The following MGAT4C variants were observed in gnomAD, a reference collection of about 807,000 sequenced individuals.
The protein encoded by MGAT4C is alpha-1,3-mannosyl-glycoprotein 4-beta-N-acetylglucosaminyltransferase C.
A neutral mutation model predicts 40.1 loss-of-function variants in MGAT4C; 19 were observed. The observed-to-expected ratio is 0.47, with a 90% confidence interval of 0.33 to 0.70. The LOEUF (loss-of-function observed/expected upper bound fraction) is 0.70. Among genes scored for constraint, MGAT4C ranks in the 30% least tolerant of loss-of-function variants. The pLI is 0.02. For missense variants in MGAT4C, 491 were observed against 563.2 expected, an observed-to-expected ratio of 0.87 and a Z score of 1.30; for synonymous variants, 181 against 187.1, an observed-to-expected ratio of 0.97 and a Z score of 0.27.
chr12:86,050,661 A>G (rs535520213), intron 1 of MGAT4C, among the ~76,000 whole-genome samples: 1 of 152,086 alleles, frequency 6.6e-6, no homozygotes, highest in East Asian at 1.9e-4. Flanking sequence ...TATCTCCATC[A>G]GCATTTCTCT....
rs564114873 is a variant in MGAT4C, at chr12:86,538,920, A to C, written c.-228-103655T>G. On this transcript the variant is annotated intron_variant, in intron 2 of 7. Transcript: ENST00000548651. ...CTGTGCCTGGCCCAAAGTGGAATAC[A>C]TTTATATAAGGAAATAAATGTTTTG... is the stretch of plus-strand genomic sequence containing the variant. Among the ~76,000 whole-genome samples the C allele has an allele frequency of 2.0e-5, 3 of 151,844 alleles. No individual in the cohort carries two copies. In the South Asian group the frequency reaches 6.2e-4, roughly 32 times the overall value.
At chr12:86,717,928 G>C (rs1446109751) in intron 2 of MGAT4C, among the ~76,000 whole-genome samples, 1 of 151,996 alleles carries the variant, frequency 6.6e-6, no homozygotes, top group Non-Finnish European at 1.5e-5. Context: ...TCTCTTCCAG[G>C]TTTCTTTTTC....
Position 86,281,318 on chromosome 12 carries a change from T to C in MGAT4C, c.-57+52747A>G, listed in dbSNP as rs59952363. 3.8e-3 allele frequency among the ~76,000 whole-genome samples: 576 copies of C among 152,070 alleles called. 3 individuals are homozygous for C. Among genetic ancestry groups the C allele is most frequent in the African/African-American group, 0.014 (561 of 41,512 alleles). ...TTGTCACACATATGTTTTCTCTATTTTCCCCTTCCTATCCCTCATTTCCTC... is the reference window on the plus strand; with the variant it reads ...TTGTCACACATATGTTTTCTCTATTCTCCCCTTCCTATCCCTCATTTCCTC... On this transcript the variant is annotated intron_variant, in intron 4 of 7. Coordinates refer to the MGAT4C transcript ENST00000548651.
At chr12:86,359,261 C>T (rs564380801) in intron 3 of MGAT4C, among the ~76,000 whole-genome samples, 8 of 152,162 alleles carry the variant, frequency 5.3e-5, no homozygotes, top group African/African-American at 1.9e-4. Context: ...CAGATATAAA[C>T]ATGTTCTTTG....
At position 86,441,594 on chromosome 12, in the gene MGAT4C, A is replaced by G. The variant is rs12301573; in HGVS notation, c.-228-6329T>C. On this transcript the variant is annotated intron_variant, in intron 2 of 7. Coordinates refer to the MGAT4C transcript ENST00000548651. ...TTCACACCTATGAGTGAGAACATGC[A>G]GTGTTTGGTTTTTTGTTCTTGCAAC... Among the ~76,000 whole-genome samples the G allele has an allele frequency of 2.0e-5, 3 of 147,456 alleles. No individual in the cohort carries two copies. In the East Asian group the frequency reaches 6.2e-4, roughly 30 times the overall value.
chr12:86,494,466 T>G (rs1211619987), intron 2 of MGAT4C, among the ~76,000 whole-genome samples: 2 of 151,946 alleles, frequency 1.3e-5, no homozygotes, highest in Admixed American at 6.6e-5. Context: ...TTTATCAAAC[T>G]AAACATATTA....
chr12:86,517,628 ATTTG>A (rs371515004), intron 2 of MGAT4C, among the ~76,000 whole-genome samples: 2,209 of 150,982 alleles, frequency 0.015, 17 homozygotes, highest in South Asian at 0.023. Flanking sequence ...TTATTTATTT[ATTTG>A]TTTGTTTGTT....
intron 4 of MGAT4C, among the ~76,000 whole-genome samples, chr12:86,287,105 A>G (rs982740188): frequency 6.6e-6 from 1 of 152,144 alleles, no homozygotes; most frequent in Non-Finnish European, 1.5e-5. Flanking sequence ...GTATTCAATA[A>G]TGAGACTGCT....
At chr12:85,998,873 T>A (rs1886956638) in intron 2 of MGAT4C, among the ~76,000 whole-genome samples, 1 of 152,190 alleles carries the variant, frequency 6.6e-6, no homozygotes, top group African/African-American at 2.4e-5. Context: ...CCAAAGTTGT[T>A]TCCACATTTT....
chr12:86,584,263 G>A (rs114426907), intron 2 of MGAT4C, among the ~76,000 whole-genome samples: 2,844 of 150,636 alleles, frequency 0.019, 71 homozygotes, highest in African/African-American at 0.065. Context: ...ACATTGATGA[G>A]TTCATAGAGA....
chr12:85,960,027 A>G lies in MGAT4C; in HGVS notation c.*19262T>C, dbSNP rs764016718. On this transcript the variant is annotated 3_prime_UTR_variant, in exon 5 of 5. Transcript: ENST00000611864. ...CTGTGCAAATAGCTATATAAAATGC[A>G]ATTCGGTATTAAAGAAAATTGTTGC... is the stretch of plus-strand genomic sequence containing the variant. 7 of 151,976 alleles carry G rather than the reference A, an allele frequency of 4.6e-5. No individual in the cohort carries two copies. Among genetic ancestry groups the G allele is most frequent in the Non-Finnish European group, 1.0e-4 (7 of 67,926 alleles). 9.4% of individuals were successfully genotyped at this position (151,976 alleles called of 1,614,324 possible). A position where few individuals can be genotyped will look rare whatever the true frequency, so the allele number is the denominator to read the frequency against.
chr12:86,422,602 T>C (rs1956849080), intron 3 of MGAT4C, among the ~76,000 whole-genome samples: 1 of 152,172 alleles, frequency 6.6e-6, no homozygotes, highest in African/African-American at 2.4e-5. Context: ...TTAAAATCAA[T>C]TTTCATGCCT....
At chr12:86,122,555 T>C (rs900028270) in intron 1 of MGAT4C, among the ~76,000 whole-genome samples, 2 of 152,140 alleles carry the variant, frequency 1.3e-5, no homozygotes, top group African/African-American at 4.8e-5. Context: ...TCTAAAGTGG[T>C]GTGCAAGCAT....
At chr12:86,469,682 A>G (rs899257072) in intron 2 of MGAT4C, among the ~76,000 whole-genome samples, 5 of 152,176 alleles carry the variant, frequency 3.3e-5, no homozygotes, top group African/African-American at 9.6e-5. Flanking sequence ...ATTTTTTCCA[A>G]TTGAGACTTG....
At chr12:86,291,155 T>C (rs1953502582) in intron 4 of MGAT4C, among the ~76,000 whole-genome samples, 1 of 152,116 alleles carries the variant, frequency 6.6e-6, no homozygotes, top group Non-Finnish European at 1.5e-5. Context: ...AAATGAAACA[T>C]AGTTGAGAAT....
intron 3 of MGAT4C, among the ~76,000 whole-genome samples, chr12:86,404,931 T>C (rs556855710): frequency 6.6e-6 from 1 of 152,218 alleles, no homozygotes; most frequent in East Asian, 1.9e-4. Context: ...ATTTATTTTA[T>C]GTGATTTGAC....
intron 4 of MGAT4C, among the ~76,000 whole-genome samples, chr12:86,306,812 T>TA (rs1209533333): frequency 6.8e-6 from 1 of 147,216 alleles, no homozygotes; most frequent in Non-Finnish European, 1.5e-5. Flanking sequence ...TAGAAAATAA[T>TA]AAGATGATTG....
intron 4 of MGAT4C, among the ~76,000 whole-genome samples, chr12:86,305,935 C>T (rs1433730208): frequency 6.6e-6 from 1 of 150,444 alleles, no homozygotes; most frequent in Non-Finnish European, 1.5e-5. Flanking sequence ...AAGTTGTTCA[C>T]ATTCACCCTT....
intron 1 of MGAT4C, among the ~76,000 whole-genome samples, chr12:86,738,869 A>G (rs1951022635): frequency 2.0e-5 from 3 of 150,994 alleles, no homozygotes; most frequent in African/African-American, 7.3e-5. Context: ...TTGAACACAA[A>G]AGCCCGTTTA....
Sources: allele counts gnomAD v4.1 joint callset (sites outside exome capture counted in the v4.1 genomes callset), GRCh38; gene constraint gnomAD v4.1.1; transcripts MANE v1.5; gene names NCBI Gene and HGNC (gene_info 2026-07-23, HGNC 2026-07-21).